PALM2AKAP2: variants seen among roughly 807,000 people sequenced by gnomAD.
The protein encoded by PALM2AKAP2 is PALM2-AKAP2 fusion protein.
In PALM2AKAP2, 37 loss-of-function variants were observed where a neutral mutation model predicts 71.5. The observed-to-expected ratio is 0.52, with a 90% CI of 0.40 to 0.68. The LOEUF is 0.68. Ranked by LOEUF, PALM2AKAP2 falls within the 30% of genes least tolerant of loss-of-function variation. The pLI is 0.00. For missense variants in PALM2AKAP2, 1,224 were observed against 1,191.8 expected (o/e 1.03, Z -0.40); for synonymous variants, 468 against 478.8 (o/e 0.98, Z 0.29).
At chr9:109,704,835 T>G (rs1828117032) in intron 1 of PALM2AKAP2, among the ~76,000 whole-genome samples, 1 of 152,192 alleles carries the variant, frequency 6.6e-6, no homozygotes, top group Non-Finnish European at 1.5e-5. Flanking sequence ...TTGACACATC[T>G]TCTCTCCATT....
chr9:110,088,707 T>TGTTTG (rs1564297907), intron 1 of PALM2AKAP2, among the ~76,000 whole-genome samples: 1 of 59,982 alleles, frequency 1.7e-5, no homozygotes, highest in Non-Finnish European at 3.2e-5. Context: ...TTACGTGTTT[T>TGTTTG]TTTTTTTTTT....
chr9:110,167,179 G>C (rs1836757140), intron 3 of PALM2AKAP2, among the ~76,000 whole-genome samples: 1 of 152,158 alleles, frequency 6.6e-6, no homozygotes, highest in African/African-American at 2.4e-5. Context: ...GCTACACAAG[G>C]GGATTATGGG....
intron 1 of PALM2AKAP2, among the ~76,000 whole-genome samples, chr9:109,753,623 G>A (rs2118716740): frequency 6.6e-6 from 1 of 152,298 alleles, no homozygotes; most frequent in East Asian, 1.9e-4. Flanking sequence ...GTGTGTGGAA[G>A]AACTGTTCAG....
Position 109,662,780 on chromosome 9 carries a change from TG to T in PALM2AKAP2, c.5+21915del, listed in dbSNP as rs1343987190. ...CTTTGTATCTCTGGTAGAATTCAGCTGTGAATCTGTCTGGTCCTGGACTTTT... is the reference window on the plus strand; with the variant it reads ...CTTTGTATCTCTGGTAGAATTCAGCTTGAATCTGTCTGGTCCTGGACTTTT... On this transcript the variant is annotated intron_variant, in intron 1 of 6. Transcript: ENST00000374531. Among the ~76,000 whole-genome samples the T allele has an allele frequency of 2.6e-5, 4 of 152,340 alleles. No homozygotes were observed. In the South Asian group the frequency reaches 6.2e-4, roughly 24 times the overall value.
At chr9:109,782,961 C>G (rs1049855709) in intron 1 of PALM2AKAP2, among the ~76,000 whole-genome samples, 1 of 152,080 alleles carries the variant, frequency 6.6e-6, no homozygotes, top group African/African-American at 2.4e-5. Flanking sequence ...AGATCACAAG[C>G]CTGCCCCCAG....
chr9:109,973,424 A>G (rs1832109142), intron 6 of PALM2AKAP2, among the ~76,000 whole-genome samples: 1 of 152,190 alleles, frequency 6.6e-6, no homozygotes, highest in Non-Finnish European at 1.5e-5. Flanking sequence ...CCTATATGGA[A>G]CATGCCATTC....
chr9:109,759,832 C>T (rs144444514), intron 1 of PALM2AKAP2, among the ~76,000 whole-genome samples: 1 of 152,088 alleles, frequency 6.6e-6, no homozygotes, highest in Non-Finnish European at 1.5e-5. Flanking sequence ...CTATACTGAT[C>T]ATAGATTTTT....
At chr9:109,660,065 C>A (rs994282182) in intron 1 of PALM2AKAP2, among the ~76,000 whole-genome samples, 1 of 152,124 alleles carries the variant, frequency 6.6e-6, no homozygotes, top group African/African-American at 2.4e-5. Flanking sequence ...AACTCCTGGG[C>A]TCAAGGAGTC....
intron 1 of PALM2AKAP2, among the ~76,000 whole-genome samples, chr9:109,781,273 A>G (rs895002070): frequency 2.0e-5 from 3 of 152,206 alleles, no homozygotes; most frequent in Admixed American, 2.0e-4. Context: ...CCTAGATTTG[A>G]GCAATCTTAA....
At chr9:109,864,341 G>A (rs925687241) in intron 1 of PALM2AKAP2, among the ~76,000 whole-genome samples, 9 of 152,126 alleles carry the variant, frequency 5.9e-5, no homozygotes, top group Non-Finnish European at 8.8e-5. Context: ...CTGCACCAGC[G>A]CTCTTCTGGT....
intron 6 of PALM2AKAP2, among the ~76,000 whole-genome samples, chr9:109,947,635 C>A (rs1831541743): frequency 6.6e-6 from 1 of 152,136 alleles, no homozygotes; most frequent in Non-Finnish European, 1.5e-5. Context: ...GCATCGAGGA[C>A]TTTTTCTTAT....
chr9:110,126,095 G>A (rs1264825562), intron 1 of PALM2AKAP2, among the ~76,000 whole-genome samples: 2 of 152,072 alleles, frequency 1.3e-5, no homozygotes, highest in Non-Finnish European at 2.9e-5. Context: ...GGGGGAATAT[G>A]GTTTTGGGGG....
In PALM2AKAP2 at chr9:109,763,759, T is replaced by C. The variant is rs113859273; in HGVS notation, c.6-16729T>C. Among the ~76,000 whole-genome samples the C allele has an allele frequency of 2.2e-3, 335 of 152,206 alleles. 2 individuals are homozygous for C. The highest frequency in any genetic ancestry group is 0.014 in the Middle Eastern group (4 of 294). On this transcript the variant is annotated intron_variant, in intron 1 of 6. Coordinates refer to the PALM2AKAP2 transcript ENST00000374531. ...CAGCTGCTGGAATTTCAGAGATGCA[T>C]AGGCCCTCAATGTGGGGTGGGAGGG...
chr9:109,754,112 T>C (rs1828923827), intron 1 of PALM2AKAP2, among the ~76,000 whole-genome samples: 1 of 152,158 alleles, frequency 6.6e-6, no homozygotes, highest in Non-Finnish European at 1.5e-5. Context: ...CTTTATTAGA[T>C]TTTATTGGAG....
At chr9:109,702,468 C>T (rs993389642) in intron 1 of PALM2AKAP2, among the ~76,000 whole-genome samples, 6 of 152,070 alleles carry the variant, frequency 3.9e-5, no homozygotes, top group African/African-American at 1.4e-4. Flanking sequence ...TGGAAGCCAT[C>T]ATTCTCAGCA....
intron 1 of PALM2AKAP2, among the ~76,000 whole-genome samples, chr9:109,760,899 T>A (rs1829040835): frequency 6.6e-6 from 1 of 152,226 alleles, no homozygotes; most frequent in African/African-American, 2.4e-5. Flanking sequence ...TTACTCAAAG[T>A]AAAACACAAA....
chr9:110,146,012 C>T lies in PALM2AKAP2; in HGVS notation c.2569+7473C>T, dbSNP rs185751160. Reference sequence around the variant, plus strand: ...CTCCCAGGTTCACGCCATTCTCCTGCCTCAGCCTCCCGAGTAGCTGGGACT... The same window carrying T: ...CTCCCAGGTTCACGCCATTCTCCTGTCTCAGCCTCCCGAGTAGCTGGGACT... On this transcript the variant is annotated intron_variant, in intron 2 of 3. Transcript: ENST00000374525. Among the ~76,000 whole-genome samples the T allele has an allele frequency of 2.3e-4, 34 of 150,506 alleles. 1 individual carries two copies. The East Asian group carries it at 6.7e-3, about 30-fold the overall frequency.
At chr9:110,171,613 T>G (rs1836859352) in exon 4 of PALM2AKAP2, 1 of 152,192 alleles carries the variant, frequency 6.6e-6, no homozygotes, top group African/African-American at 2.4e-5. Flanking sequence ...GGATCCCAAA[T>G]GGACCCTTTT....
At chr9:109,723,129 T>G (rs1395131963) in intron 1 of PALM2AKAP2, among the ~76,000 whole-genome samples, 1 of 152,202 alleles carries the variant, frequency 6.6e-6, no homozygotes, top group East Asian at 1.9e-4. Context: ...ATCCTTGATC[T>G]TAGACCCTTT....
Sources: gnomAD v4.1 joint callset for allele counts (sites outside exome capture counted in the v4.1 genomes callset) on GRCh38, gnomAD v4.1.1 for gene constraint, MANE v1.5 for transcripts, NCBI Gene and HGNC (gene_info 2026-07-23, HGNC 2026-07-21) for gene names.